MKLN1: variants seen among roughly 807,000 people sequenced by gnomAD.
MKLN1 encodes muskelin 1, also known as muskelin.
In MKLN1, 18 loss-of-function variants were observed where a neutral mutation model predicts 99.0. That is an observed-to-expected ratio of 0.18 (90% CI 0.13 to 0.27). The LOEUF is 0.27. MKLN1 is among the 10% of genes least tolerant of loss of function. The probability of loss-of-function intolerance (pLI) is 1.00; values close to 1 mark genes in which losing one functional copy is unlikely to be tolerated. For missense variants in MKLN1, 621 were observed against 875.9 expected (o/e 0.71, Z 3.67); for synonymous variants, 288 against 293.2 (o/e 0.98, Z 0.18).
At chr7:131,240,023 A>T (rs1355752319) in intron 3 of MKLN1, among the ~76,000 whole-genome samples, 3 of 152,138 alleles carry the variant, frequency 2.0e-5, no homozygotes, top group African/African-American at 4.8e-5. Flanking sequence ...TCTATAAAAA[A>T]TTTAAAAATT....
chr7:131,294,556 G>T (rs1798264124), intron 3 of MKLN1, among the ~76,000 whole-genome samples: 1 of 152,178 alleles, frequency 6.6e-6, no homozygotes, highest in Non-Finnish European at 1.5e-5. Context: ...GAGGAGGCTT[G>T]TTTTAAATGA....
intron 2 of MKLN1, among the ~76,000 whole-genome samples, 170 bp from the exon 3 acceptor site, chr7:131,386,950 A>G (rs201423256): frequency 6.6e-6 from 1 of 152,208 alleles, no homozygotes; most frequent in South Asian, 2.1e-4. Context: ...CTGGTGGGAT[A>G]ACCTTTATAA....
At position 131,391,885 on chromosome 7, in the gene MKLN1, C is replaced by T. The variant is rs569879301; in HGVS notation, c.400+2913C>T. Reference sequence around the variant, plus strand: ...AAGTTTGTGTTTACATGCCTTCTTACATGTAGTATTCTAGGGACTTTGATG... The same window carrying T: ...AAGTTTGTGTTTACATGCCTTCTTATATGTAGTATTCTAGGGACTTTGATG... On this transcript the variant is annotated intron_variant, in intron 4 of 17. Transcript: ENST00000352689. 3.9e-5 allele frequency among the ~76,000 whole-genome samples: 6 copies of T among 152,264 alleles called. No individual in the cohort carries two copies. The South Asian group carries it at 1.0e-3, about 26-fold the overall frequency.
At chr7:131,200,125 C>G (rs1206677752) in intron 2 of MKLN1, among the ~76,000 whole-genome samples, 1 of 152,220 alleles carries the variant, frequency 6.6e-6, no homozygotes, top group Non-Finnish European at 1.5e-5. Flanking sequence ...CCTCCTGCCT[C>G]AGTCTCCTGA....
intron 3 of MKLN1, among the ~76,000 whole-genome samples, chr7:131,292,928 A>G (rs1055239137): frequency 2.0e-5 from 3 of 152,254 alleles, no homozygotes; most frequent in Non-Finnish European, 4.4e-5. Flanking sequence ...TAGTGGGACA[A>G]CCCGACATTG....
At chr7:131,252,309 T>A (rs1203989530) in intron 3 of MKLN1, among the ~76,000 whole-genome samples, 1 of 149,066 alleles carries the variant, frequency 6.7e-6, no homozygotes, top group African/African-American at 2.4e-5. Flanking sequence ...GGGATCATAG[T>A]GAAAGGACTT....
chr7:131,239,619 T>G, intron 3 of MKLN1, among the ~76,000 whole-genome samples: 1 of 152,152 alleles, frequency 6.6e-6, no homozygotes, highest in East Asian at 1.9e-4. Context: ...CACCCAGCCC[T>G]CATTTTTTAT....
At chr7:131,226,183 G>A (rs982018450) in intron 3 of MKLN1, among the ~76,000 whole-genome samples, 2 of 152,148 alleles carry the variant, frequency 1.3e-5, no homozygotes, top group Non-Finnish European at 2.9e-5. Flanking sequence ...CAGACTGTTG[G>A]CATCTGTCTC....
intron 1 of MKLN1, among the ~76,000 whole-genome samples, chr7:131,350,359 C>G (rs1432271526): frequency 6.6e-6 from 1 of 151,970 alleles, no homozygotes; most frequent in Non-Finnish European, 1.5e-5. Context: ...TGCACCTGGC[C>G]TTCGTTATCT....
intron 3 of MKLN1, among the ~76,000 whole-genome samples, chr7:131,264,188 T>C (rs1051827305): frequency 5.3e-5 from 8 of 152,148 alleles, no homozygotes; most frequent in Admixed American, 2.6e-4. Flanking sequence ...TAACACTTAC[T>C]AAAGACAGAA....
In MKLN1 at chr7:131,192,131, A is replaced by ATT. The variant is rs1375048787; in HGVS notation, c.-296-10726_-296-10725insTT. Among the ~76,000 whole-genome samples the ATT allele has an allele frequency of 6.3e-4, 51 of 80,864 alleles. 11 individuals are homozygous for ATT. Among genetic ancestry groups the ATT allele is most frequent in the Non-Finnish European group, 9.4e-4 (43 of 45,910 alleles). The allele number at this position is 80,864 out of a possible 152,430, so 53.0% of individuals were successfully genotyped here. On this transcript the variant is annotated intron_variant, in intron 2 of 7. Transcript: ENST00000416992. Reference sequence around the variant, plus strand: ...ATATTATATATATACGTATATATATAAAAATATATATACGTATATATACAT... The same window carrying ATT: ...ATATTATATATATACGTATATATATATTAAAATATATATACGTATATATACAT...
chr7:131,121,571 G>A (rs1192971817), intron 1 of MKLN1, among the ~76,000 whole-genome samples: 3 of 141,538 alleles, frequency 2.1e-5, no homozygotes, highest in African/African-American at 2.6e-5. Context: ...CCCTGGGGGC[G>A]GAGCTTGCAG....
chr7:131,419,895 G>T (rs1795140121), intron 8 of MKLN1, among the ~76,000 whole-genome samples: 1 of 152,178 alleles, frequency 6.6e-6, no homozygotes, highest in Non-Finnish European at 1.5e-5. Context: ...GGAAGCCATT[G>T]TTGGGTTTAA....
intron 8 of MKLN1, among the ~76,000 whole-genome samples, chr7:131,420,341 T>C (rs1488775977): frequency 1.3e-5 from 2 of 151,476 alleles, no homozygotes; most frequent in African/African-American, 4.9e-5. Flanking sequence ...AAAAAAAAGG[T>C]ATCATATAGA....
chr7:131,215,578 C>T (rs1009606465), intron 3 of MKLN1, among the ~76,000 whole-genome samples: 4 of 152,210 alleles, frequency 2.6e-5, no homozygotes, highest in African/African-American at 4.8e-5. Context: ...AATCCTCCCA[C>T]CTCAGCCTTC....
intron 2 of MKLN1, among the ~76,000 whole-genome samples, chr7:131,192,166 T>C (rs1796563355): frequency 3.1e-5 from 3 of 97,442 alleles, no homozygotes; most frequent in Non-Finnish European, 5.9e-5. Flanking sequence ...TATATACTTA[T>C]GTATAATATA....
intron 8 of MKLN1, among the ~76,000 whole-genome samples, chr7:131,416,695 C>T (rs1359282803): frequency 1.3e-5 from 2 of 151,830 alleles, no homozygotes; most frequent in African/African-American, 4.8e-5. Flanking sequence ...AAAAATATTT[C>T]AGCTAGGCAC....
At chr7:131,153,033 ATTTT>A (rs1220395745) in intron 2 of MKLN1, among the ~76,000 whole-genome samples, 1 of 138,270 alleles carries the variant, frequency 7.2e-6, no homozygotes, top group Non-Finnish European at 1.5e-5. Context: ...ATATATATAT[ATTTT>A]TTTTTTTTTT....
chr7:131,133,357 T>TC (rs1563226362), intron 1 of MKLN1, among the ~76,000 whole-genome samples: 1 of 134,314 alleles, frequency 7.4e-6, no homozygotes, highest in African/African-American at 3.0e-5. Context: ...TTCTTTCTTT[T>TC]TTTTTTTTTT....
Sources: gnomAD v4.1 joint callset for allele counts (sites outside exome capture counted in the v4.1 genomes callset) on GRCh38, gnomAD v4.1.1 for gene constraint, MANE v1.5 for transcripts, NCBI Gene and HGNC (gene_info 2026-07-23, HGNC 2026-07-21) for gene names.